The following POLN variants were observed in gnomAD, a reference collection of about 807,000 sequenced individuals.
POLN encodes DNA polymerase nu.
In POLN, 108 loss-of-function variants were observed where a neutral mutation model predicts 113.5. The ratio of observed to expected loss-of-function variants is 0.95; its 90% CI spans 0.81 to 1.12. The LOEUF is 1.12. POLN is among the 50% of genes most tolerant of loss of function. POLN has a pLI of 0.00. For synonymous variants in POLN, 386 were observed against 391.5 expected, an observed-to-expected ratio of 0.99 and a Z score of 0.17; for missense variants, 1,097 against 1,077.1, an observed-to-expected ratio of 1.02 and a Z score of -0.26.
At chr4:2,109,659 CT>C (rs1197135849) in intron 19 of POLN, among the ~76,000 whole-genome samples, 3 of 151,986 alleles carry the variant, frequency 2.0e-5, no homozygotes, top group Non-Finnish European at 4.4e-5. Flanking sequence ...AACATTTTTT[CT>C]TTTGCAGTTT....
At chr4:2,154,202 A>C (rs1295919631) in intron 16 of POLN, among the ~76,000 whole-genome samples, 10 of 146,984 alleles carry the variant, frequency 6.8e-5, no homozygotes, top group East Asian at 2.0e-4. Context: ...TCTCAACAAA[A>C]AAAAAAAAAA....
At chr4:2,089,660 C>T (rs969182030) in intron 20 of POLN, 10 of 733,340 alleles carry the variant, frequency 1.4e-5, no homozygotes, top group Admixed American at 3.0e-5. Flanking sequence ...TCTGAACTTC[C>T]TAAACTGTCC....
rs1730433908 is a variant in POLN, at chr4:2,081,985, G to C, written c.2198-242C>G. The stretch of plus-strand genomic sequence containing the variant: ...TTTTTTTTTTTTTGAGACAGAGTGA[G>C]ACTCTGTCACCCAGGCTGGAGTGCA... On this transcript the variant is annotated intron_variant, in intron 21 of 25. Coordinates refer to ENST00000511885, the MANE Select transcript of POLN (RefSeq NM_181808.4). Among the ~76,000 whole-genome samples the C allele has an allele frequency of 2.2e-5, 3 of 137,816 alleles. No individual in the cohort carries two copies. The South Asian group carries it at 7.1e-4, about 33-fold the overall frequency. The allele number at this position is 137,816 out of a possible 152,430, so 90.4% of individuals were successfully genotyped here.
intron 16 of POLN, among the ~76,000 whole-genome samples, chr4:2,141,590 G>A (rs988876091): frequency 6.6e-6 from 1 of 152,202 alleles, no homozygotes; most frequent in Non-Finnish European, 1.5e-5. Context: ...TCTGGCATAT[G>A]TCCTCTGCCA....
At chr4:2,113,225 G>A (rs1317377688) in intron 19 of POLN, among the ~76,000 whole-genome samples, 2 of 128,348 alleles carry the variant, frequency 1.6e-5, no homozygotes, top group East Asian at 5.1e-4. Flanking sequence ...ATCACACACC[G>A]GGGACTGTTG....
chr4:2,240,096 G>C (rs756388678), intron 2 of POLN: 1 of 1,613,942 alleles, frequency 6.2e-7, no homozygotes. Flanking sequence ...CTTCATGCTC[G>C]AATTACTTGC....
intron 20 of POLN, among the ~76,000 whole-genome samples, chr4:2,094,170 A>G (rs1416397982): frequency 6.6e-6 from 1 of 151,992 alleles, no homozygotes; most frequent in Admixed American, 6.6e-5. Context: ...AACATGGTGA[A>G]ACCCCATCTC....
intron 16 of POLN, 141 bp from the exon 17 acceptor site, chr4:2,131,431 T>C (rs1731726565): frequency 7.5e-6 from 4 of 536,694 alleles, no homozygotes; most frequent in Non-Finnish European, 1.3e-5. Context: ...TAATACTTAA[T>C]ACAGTTGTCT....
intron 2 of POLN, 178 bp from the exon 3 acceptor site, chr4:2,229,421 T>C (rs1734498023): frequency 8.5e-6 from 4 of 472,966 alleles, no homozygotes; most frequent in Middle Eastern, 1.1e-3. Flanking sequence ...AAAAGCAAAA[T>C]AGCTAGAGGC....
chr4:2,105,803 A>AGTG (rs1731050908), intron 19 of POLN, among the ~76,000 whole-genome samples: 1 of 107,222 alleles, frequency 9.3e-6, no homozygotes, highest in Non-Finnish European at 2.0e-5. Context: ...CCAGACAAAT[A>AGTG]GTGATGATGA....
chr4:2,210,645 G>A (rs1180602494), intron 4 of POLN, among the ~76,000 whole-genome samples: 8 of 148,020 alleles, frequency 5.4e-5, no homozygotes, highest in East Asian at 2.0e-4. Context: ...AAAAGAGGCC[G>A]GGCATGGTGG....
At chr4:2,128,270 T>C (rs779129841) in intron 18 of POLN, 43 bp from the exon 19 acceptor site, 2 of 1,325,122 alleles carry the variant, frequency 1.5e-6, no homozygotes, top group African/African-American at 1.5e-5. Context: ...TTGCCAGCAA[T>C]GTTCCTCGTG....
At chr4:2,132,322 A>G (rs1422070481) in intron 16 of POLN, among the ~76,000 whole-genome samples, 5 of 152,348 alleles carry the variant, frequency 3.3e-5, no homozygotes, top group South Asian at 4.1e-4. Flanking sequence ...AGAACAATAA[A>G]CAAAGACTCA....
chr4:2,198,741 T>C (rs1733642572), intron 5 of POLN, 24 bp from the exon 6 acceptor site: 6 of 1,565,280 alleles, frequency 3.8e-6, no homozygotes, highest in Non-Finnish European at 5.2e-6. Flanking sequence ...ACAAAATAAA[T>C]TAAACCCAGA....
At chr4:2,072,568 G>C (rs969941721) in intron 25 of POLN, among the ~76,000 whole-genome samples, 2 of 152,234 alleles carry the variant, frequency 1.3e-5, no homozygotes, top group African/African-American at 4.8e-5. Context: ...CCAGTGGGTA[G>C]GCTGCGGCCG....
chr4:2,156,970 C>A, intron 15 of POLN, 117 bp from the exon 16 acceptor site: 1 of 806,906 alleles, frequency 1.2e-6, no homozygotes, highest in Non-Finnish European at 2.1e-6. Flanking sequence ...GGCCAACAAG[C>A]TGCTGGCCCT....
At chr4:2,199,649 T>C (rs1241921693) in intron 5 of POLN, among the ~76,000 whole-genome samples, 2 of 152,164 alleles carry the variant, frequency 1.3e-5, no homozygotes, top group African/African-American at 2.4e-5. Flanking sequence ...CAATCTCAGC[T>C]CACCACAACC....
At chr4:2,076,054 G>T (rs1260506511) in intron 23 of POLN, among the ~76,000 whole-genome samples, 1 of 152,024 alleles carries the variant, frequency 6.6e-6, no homozygotes, top group African/African-American at 2.4e-5. Flanking sequence ...CCCCAGCCAG[G>T]CCCCAGCCAA....
intron 2 of POLN, chr4:2,232,203 C>A: frequency 1.2e-6 from 1 of 837,636 alleles, no homozygotes; most frequent in South Asian, 2.0e-5. Flanking sequence ...CACTTTATTC[C>A]TAATACCAAT....
Sources: allele counts gnomAD v4.1 joint callset (sites outside exome capture counted in the v4.1 genomes callset), GRCh38; gene constraint gnomAD v4.1.1; transcripts MANE v1.5; gene names NCBI Gene and HGNC (gene_info 2026-07-23, HGNC 2026-07-21).